The following FAM120B variants were observed in gnomAD, a reference collection of about 807,000 sequenced individuals.
FAM120B encodes the protein family with sequence similarity 120 member B, also known as constitutive coactivator of peroxisome proliferator-activated receptor gamma.
In FAM120B, 83 loss-of-function variants were observed where a neutral mutation model predicts 96.3. The observed-to-expected ratio is 0.86, with a 90% CI of 0.72 to 1.03. The LOEUF is 1.03. Ranked by LOEUF, FAM120B falls within the 50% of genes least tolerant of loss-of-function variation. The pLI is 0.00. For missense variants in FAM120B, 1,027 were observed against 1,121.2 expected (o/e 0.92, Z 1.20); for synonymous variants, 407 against 402.7 (o/e 1.01, Z -0.13).
intron 4 of FAM120B, among the ~76,000 whole-genome samples, chr6:170,345,558 C>T (rs141506437): frequency 5.2e-4 from 79 of 152,402 alleles, no homozygotes; most frequent in African/African-American, 1.9e-3. Flanking sequence ...TGGGGCCACT[C>T]AGGTGCAGAG....
upstream of FAM120B, among the ~76,000 whole-genome samples, chr6:170,292,226 A>G (rs893313639): frequency 2.0e-5 from 3 of 152,210 alleles, no homozygotes; most frequent in Admixed American, 1.3e-4. The surrounding 1 kb of genome is among the most constrained non-coding windows in gnomAD (Gnocchi z 6.6). Context: ...ATCAGACACT[A>G]GAACTTTTGT....
chr6:170,353,678 C>T (rs539221678), intron 5 of FAM120B, among the ~76,000 whole-genome samples: 1 of 152,114 alleles, frequency 6.6e-6, no homozygotes, highest in South Asian at 2.1e-4. Flanking sequence ...ACAATTGCTA[C>T]AAAAAGAATA....
At chr6:170,321,443 T>C (rs1166346105) in intron 2 of FAM120B, among the ~76,000 whole-genome samples, 1 of 152,232 alleles carries the variant, frequency 6.6e-6, no homozygotes, top group Non-Finnish European at 1.5e-5. Flanking sequence ...CAGGTTGCAG[T>C]GCAGTGGCAC....
chr6:170,306,930 G>T (rs3800264), intron 1 of FAM120B, 88 bp downstream of exon 1: 17,072 of 152,288 alleles, frequency 0.11, 1,299 homozygotes, highest in East Asian at 0.31. Context: ...ACCCTCGCGC[G>T]CGTCAGCCCC....
intron 2 of FAM120B, 48 bp from the exon 3 acceptor site, chr6:170,323,031 C>T (rs530952725): frequency 1.3e-6 from 2 of 1,511,010 alleles, no homozygotes; most frequent in African/African-American, 1.4e-5. Context: ...TTGAAGGTTA[C>T]TATCCTGTTT....
chr6:170,395,396 C>A lies in FAM120B; in HGVS notation c.2600-91C>A. 3.0e-6 allele frequency: 3 copies of A among 999,118 alleles called. 1 individual carries two copies. Among genetic ancestry groups the A allele is most frequent in the Non-Finnish European group, 4.7e-6 (3 of 645,094 alleles). The allele number at this position is 999,118 out of a possible 1,614,324, so 61.9% of individuals were successfully genotyped here. A position where few individuals can be genotyped will look rare whatever the true frequency, so the allele number is the denominator to read the frequency against. ...GATTTAAGTACGGGGATACTGCTGA[C>A]CTGGTGCTGCCTTGCCACCCTTTAC... is the stretch of plus-strand genomic sequence containing the variant. On this transcript the variant is annotated intron_variant, in intron 8 of 10. Transcript: ENST00000476287.
intron 4 of FAM120B, among the ~76,000 whole-genome samples, chr6:170,340,875 G>T (rs991669114): frequency 6.6e-6 from 1 of 152,186 alleles, no homozygotes; most frequent in East Asian, 1.9e-4. Context: ...TCCTAAAGGG[G>T]CACTGACCAG....
chr6:170,335,346 T>C (rs924828712), intron 4 of FAM120B, among the ~76,000 whole-genome samples: 9 of 152,286 alleles, frequency 5.9e-5, no homozygotes, highest in Admixed American at 5.9e-4. Context: ...CTGAGAATTA[T>C]GGTTTCCAGC....
At chr6:170,385,976 G>GGGGGGCTCAGGGGAC (rs1790164969) in intron 6 of FAM120B, among the ~76,000 whole-genome samples, 2 of 152,210 alleles carry the variant, frequency 1.3e-5, no homozygotes, top group Non-Finnish European at 2.9e-5. Context: ...GCTCAGGGGA[G>GGGGGGCTCAGGGGAC]GGAGGCTGAG....
intron 1 of FAM120B, chr6:170,297,878 C>T (rs1485889494): frequency 6.6e-6 from 1 of 152,222 alleles, no homozygotes; most frequent in Non-Finnish European, 1.5e-5. Context: ...ACATAAAGTT[C>T]CCATTTATCT....
At chr6:170,347,539 G>A (rs989843102) in intron 4 of FAM120B, among the ~76,000 whole-genome samples, 4 of 152,172 alleles carry the variant, frequency 2.6e-5, no homozygotes, top group African/African-American at 9.7e-5. Flanking sequence ...AGGAATTTCT[G>A]TGTATTTAAT....
At chr6:170,291,559 G>A (rs1380160852), upstream of FAM120B, among the ~76,000 whole-genome samples, 1 of 152,314 alleles carries the variant, frequency 6.6e-6, no homozygotes, top group East Asian at 1.9e-4. Flanking sequence ...GGGGAGCATC[G>A]TAGGAAAGGG....
intron 6 of FAM120B, among the ~76,000 whole-genome samples, chr6:170,359,294 G>A (rs1788177591): frequency 6.6e-6 from 1 of 151,850 alleles, no homozygotes; most frequent in Admixed American, 6.6e-5. Flanking sequence ...TTGCAAGGCT[G>A]AGGCAATAGA....
chr6:170,392,440 T>C (rs1436471098), intron 8 of FAM120B, among the ~76,000 whole-genome samples: 1 of 152,242 alleles, frequency 6.6e-6, no homozygotes, highest in African/African-American at 2.4e-5. Flanking sequence ...TCTCTTGACC[T>C]CGTGATCCGC....
intron 6 of FAM120B, among the ~76,000 whole-genome samples, chr6:170,373,636 G>GT (rs1789336972): frequency 6.6e-6 from 1 of 152,178 alleles, no homozygotes; most frequent in African/African-American, 2.4e-5. Flanking sequence ...ACCGCACAGT[G>GT]TTTTTGGTAT....
rs1474366782 is a variant in FAM120B at position 170,395,558 on chromosome 6, C to T, written c.2671C>T (p.Pro891Ser). Reference protein sequence around the residue: ...SGYSRSSQGQPWRDQGPGSRQ... With the variant: ...SGYSRSSQGQSWRDQGPGSRQ... ...GTATAGCCGTTCCAGTCAGGGACAG[C>T]CGTGGAGAGACCAGGGACCAGGTAA... Residue 891 changes from proline to serine, a missense_variant, in exon 9 of 11, where the codon CCG (proline) becomes TCG (serine). Pro to Ser is a moderately conservative substitution (Grantham distance 74). Coordinates refer to ENST00000476287, the MANE Select transcript of FAM120B (RefSeq NM_032448.3). The T allele has an allele frequency of 1.3e-6, 2 of 1,595,696 alleles. No individual in the cohort carries two copies. The highest frequency in any genetic ancestry group is 8.5e-7 in the Non-Finnish European group (1 of 1,171,136).
At chr6:170,364,022 C>T (rs1409378521) in intron 6 of FAM120B, among the ~76,000 whole-genome samples, 4 of 152,286 alleles carry the variant, frequency 2.6e-5, no homozygotes, top group East Asian at 3.9e-4. Flanking sequence ...CATGAGCAGC[C>T]ACGCCCAGCC....
At chr6:170,391,660 C>T (rs935069819) in intron 8 of FAM120B, among the ~76,000 whole-genome samples, 5 of 152,308 alleles carry the variant, frequency 3.3e-5, no homozygotes, top group African/African-American at 1.2e-4. Context: ...TGTGTAACCT[C>T]CTTTCTAGGG....
chr6:170,320,162 C>G (rs1257026567), intron 2 of FAM120B, among the ~76,000 whole-genome samples: 1 of 152,150 alleles, frequency 6.6e-6, no homozygotes, highest in East Asian at 1.9e-4. Flanking sequence ...TTTCCTTGTT[C>G]CCAGCACTAT....
Sources: allele counts gnomAD v4.1 joint callset (sites outside exome capture counted in the v4.1 genomes callset), GRCh38; gene constraint gnomAD v4.1.1; non-coding constraint Gnocchi (gnomAD v3.1); transcripts MANE v1.5; gene names NCBI Gene and HGNC (gene_info 2026-07-23, HGNC 2026-07-21).